The following POLA1 variants were observed in gnomAD, a reference collection of about 807,000 sequenced individuals.
POLA1 encodes the protein DNA polymerase alpha 1, catalytic subunit.
In POLA1, 15 loss-of-function variants were observed where a neutral mutation model predicts 124.0. The observed-to-expected ratio is 0.12, with a 90% CI of 0.08 to 0.19. The LOEUF is 0.19. Ranked by LOEUF, POLA1 falls within the 10% of genes least tolerant of loss-of-function variation. The pLI is 1.00. For synonymous variants in POLA1, 408 were observed against 389.4 expected, an observed-to-expected ratio of 1.05 and a Z score of -0.56; for missense variants, 886 against 1,103.4, an observed-to-expected ratio of 0.80 and a Z score of 2.79.
In POLA1 at chrX:24,989,412, G is replaced by A. The variant is rs1163051505; in HGVS notation, c.4262-6393G>A. ...CTTGTCTGTCATGGAATATTAATTG[G>A]ACATTAAGATTTTTAGATTTTTTTT... On this transcript the variant is annotated intron_variant, in intron 36 of 36. Transcript: ENST00000379068. Among the ~76,000 whole-genome samples, 15 of 110,460 alleles carry A rather than the reference G, an allele frequency of 1.4e-4. No homozygotes were observed. The Admixed American group carries it at 1.4e-3, about 11-fold the overall frequency.
At chrX:24,814,845 A>G (rs1196849114) in intron 29 of POLA1, 134 bp from the exon 30 acceptor site, 3 of 571,219 alleles carry the variant, frequency 5.3e-6, no homozygotes, top group Non-Finnish European at 7.6e-6. Flanking sequence ...TAACCCTCAT[A>G]TTAGCTCTTA....
At chrX:24,773,103 TC>T (rs1176803780) in intron 26 of POLA1, among the ~76,000 whole-genome samples, 1 of 112,375 alleles carries the variant, frequency 8.9e-6, no homozygotes, top group African/African-American at 3.2e-5. Flanking sequence ...ATTTTGTTTT[TC>T]CACCTTTGAT....
intron 29 of POLA1, among the ~76,000 whole-genome samples, chrX:24,813,572 G>C (rs1409957883): frequency 8.9e-5 from 10 of 112,334 alleles, no homozygotes; most frequent in African/African-American, 3.2e-4. Flanking sequence ...CCAGCACTTT[G>C]GGAGGCCGAG....
intron 21 of POLA1, 129 bp from the exon 22 acceptor site, chrX:24,741,873 T>TTTA: frequency 5.0e-6 from 2 of 399,422 alleles, no homozygotes; most frequent in East Asian, 4.9e-5. Context: ...TTTTTTTTTT[T>TTTA]AAAAAAAAAG....
chrX:24,743,055 G>A (rs753305248), intron 22 of POLA1, among the ~76,000 whole-genome samples, 175 bp from the exon 23 acceptor site: 3 of 111,731 alleles, frequency 2.7e-5, no homozygotes, highest in Admixed American at 9.5e-5. Context: ...ACTATGCTTG[G>A]GATTCATTTG....
At chrX:24,977,667 T>A (rs914956044) in intron 36 of POLA1, among the ~76,000 whole-genome samples, 1 of 112,530 alleles carries the variant, frequency 8.9e-6, no homozygotes, top group African/African-American at 3.2e-5. Context: ...TTTTAATTTC[T>A]AAGAACTAGA....
chrX:24,974,807 A>C (rs2048346933), intron 36 of POLA1, among the ~76,000 whole-genome samples: 1 of 112,167 alleles, frequency 8.9e-6, no homozygotes, highest in Admixed American at 9.4e-5. Flanking sequence ...GTATCCCAGA[A>C]CTTAAAAAAG....
At chrX:24,910,687 G>A (rs2047437163) in intron 35 of POLA1, among the ~76,000 whole-genome samples, 1 of 111,726 alleles carries the variant, frequency 9.0e-6, no homozygotes, top group South Asian at 3.8e-4. Context: ...AAAGAGCTAA[G>A]TCACCAAGAA....
chrX:24,723,047 T>C (rs1930299923), intron 10 of POLA1, 108 bp from the exon 11 acceptor site: 2 of 556,368 alleles, frequency 3.6e-6, no homozygotes, highest in South Asian at 5.4e-5. Context: ...AAATGAGTTA[T>C]CATGAAGGTA....
chrX:24,870,736 AG>A (rs2046853089), intron 34 of POLA1, among the ~76,000 whole-genome samples: 1 of 112,065 alleles, frequency 8.9e-6, no homozygotes, highest in Non-Finnish European at 1.9e-5. Context: ...GCAAATGGAC[AG>A]GCATTCCTAA....
chrX:24,778,048 T>G (rs1295297260), intron 26 of POLA1, among the ~76,000 whole-genome samples: 3 of 112,404 alleles, frequency 2.7e-5, no homozygotes, highest in African/African-American at 9.7e-5. Flanking sequence ...GTATACCTTT[T>G]GGAAATGAAA....
chrX:24,856,616 C>T (rs1198142307), intron 34 of POLA1, among the ~76,000 whole-genome samples: 1 of 111,504 alleles, frequency 9.0e-6, no homozygotes, highest in Non-Finnish European at 1.9e-5. Context: ...CCGTCAGCAG[C>T]GTATGAGAGT....
intron 13 of POLA1, 46 bp from the exon 14 acceptor site, chrX:24,726,887 G>C (rs1273727221): frequency 9.6e-7 from 1 of 1,042,407 alleles, no homozygotes; most frequent in East Asian, 3.2e-5. Flanking sequence ...AAAATGCAAA[G>C]TAATAGTTTT....
At chrX:24,961,036 C>T (rs1041123690) in intron 36 of POLA1, among the ~76,000 whole-genome samples, 1 of 112,329 alleles carries the variant, frequency 8.9e-6, no homozygotes, top group Non-Finnish European at 1.9e-5. Flanking sequence ...AGTGAGGACA[C>T]TTCTACTTCC....
chrX:24,864,318 G>A (rs1443145986), intron 34 of POLA1, among the ~76,000 whole-genome samples: 5 of 111,487 alleles, frequency 4.5e-5, no homozygotes, highest in Non-Finnish European at 9.4e-5. Flanking sequence ...GCTCTTTGTG[G>A]GTTAGATTAT....
At chrX:24,723,354 A>G (rs1225834103) in intron 11 of POLA1, 87 bp downstream of exon 11, 1 of 569,551 alleles carries the variant, frequency 1.8e-6, no homozygotes, top group Non-Finnish European at 3.0e-6. Flanking sequence ...CTCTTTCAAT[A>G]GGGCTACAAA....
At chrX:24,760,090 A>G (rs1233024128) in intron 26 of POLA1, among the ~76,000 whole-genome samples, 1 of 112,403 alleles carries the variant, frequency 8.9e-6, no homozygotes, top group Non-Finnish European at 1.9e-5. Flanking sequence ...ACTATTCACC[A>G]GTGGCATAGA....
rs768994831 is a variant in POLA1 at position 24,723,958 on chromosome X, C to A, written c.1201-377C>A. Among the ~76,000 whole-genome samples, 3 of 112,888 alleles carry A rather than the reference C, an allele frequency of 2.7e-5. No homozygotes were observed. In the South Asian group the frequency reaches 1.1e-3, roughly 41 times the overall value. On this transcript the variant is annotated intron_variant, in intron 11 of 36. Transcript: ENST00000379068. ...CCTCCCAAAGTGCTGGGATTACAGG[C>A]ATGAGCCACTGCGCTCAGTCTGCTT...
At chrX:24,995,358 A>T (rs1038012160) in intron 36 of POLA1, among the ~76,000 whole-genome samples, 2 of 112,143 alleles carry the variant, frequency 1.8e-5, no homozygotes, top group Admixed American at 1.9e-4. Context: ...GAAAATGCTT[A>T]CTAGGCCCAG....
Sources: gnomAD v4.1 joint callset for allele counts (sites outside exome capture counted in the v4.1 genomes callset) on GRCh38, gnomAD v4.1.1 for gene constraint, MANE v1.5 for transcripts, NCBI Gene and HGNC (gene_info 2026-07-23, HGNC 2026-07-21) for gene names.